The following ST18 variants were observed in gnomAD, a reference collection of about 807,000 sequenced individuals.
ST18 encodes the protein ST18 C2H2C-type zinc finger transcription factor, also known as suppression of tumorigenicity 18 protein.
In ST18, 50 loss-of-function variants were observed where a neutral mutation model predicts 110.0. That is an observed-to-expected ratio of 0.45 (90% CI 0.36 to 0.58). The LOEUF (loss-of-function observed/expected upper bound fraction) is 0.58, where lower values mean the gene tolerates loss of function less well. Ranked by LOEUF, ST18 falls within the 20% of genes least tolerant of loss-of-function variation. ST18 has a pLI of 0.00. For missense variants in ST18, 1,306 were observed against 1,280.1 expected (o/e 1.02, Z -0.31); for synonymous variants, 461 against 452.4 (o/e 1.02, Z -0.24).
At chr8:52,215,704 G>A (rs969765915) in intron 6 of ST18, among the ~76,000 whole-genome samples, 10 of 151,502 alleles carry the variant, frequency 6.6e-5, no homozygotes, top group African/African-American at 7.3e-5. Context: ...CAATAAAACC[G>A]GGGTGATTTT....
intron 19 of ST18, among the ~76,000 whole-genome samples, chr8:52,133,591 A>G (rs188202827): frequency 6.6e-6 from 1 of 150,968 alleles, no homozygotes; most frequent in Non-Finnish European, 1.5e-5. Context: ...TTTATTGTAC[A>G]TTCTTTTTTT....
intron 2 of ST18, among the ~76,000 whole-genome samples, chr8:52,306,838 C>T (rs2095821275): frequency 1.3e-5 from 2 of 152,114 alleles, no homozygotes; most frequent in South Asian, 4.2e-4. Context: ...ATGGGAAAGT[C>T]CCATTAAATG....
At chr8:52,225,565 G>A (rs911692555) in intron 3 of ST18, among the ~76,000 whole-genome samples, 2 of 152,190 alleles carry the variant, frequency 1.3e-5, no homozygotes, top group East Asian at 3.9e-4. Flanking sequence ...AAAGAAGGCT[G>A]CTAGCATTCA....
intron 2 of ST18, among the ~76,000 whole-genome samples, chr8:52,308,997 A>T (rs1391552888): frequency 6.6e-6 from 1 of 152,258 alleles, no homozygotes; most frequent in African/African-American, 2.4e-5. Flanking sequence ...ACTGTGTATC[A>T]GTCACTGCAG....
intron 3 of ST18, among the ~76,000 whole-genome samples, chr8:52,223,754 A>G (rs2136496686): frequency 6.6e-6 from 1 of 152,296 alleles, no homozygotes; most frequent in Non-Finnish European, 1.5e-5. Flanking sequence ...TAAGTTTAAC[A>G]TGAAATGGAT....
At chr8:52,359,875 C>T (rs2140429515) in intron 2 of ST18, among the ~76,000 whole-genome samples, 1 of 152,242 alleles carries the variant, frequency 6.6e-6, no homozygotes, top group Admixed American at 6.5e-5. Context: ...TAAAAGTACA[C>T]AGTGAATAGT....
At chr8:52,379,223 G>A (rs1020791820) in intron 2 of ST18, among the ~76,000 whole-genome samples, 2 of 150,840 alleles carry the variant, frequency 1.3e-5, no homozygotes, top group Non-Finnish European at 1.5e-5. Context: ...TCAGCCCCCC[G>A]AGTAGCTGGG....
At chr8:52,175,837 C>T (rs1272867770) in intron 9 of ST18, among the ~76,000 whole-genome samples, 3 of 152,162 alleles carry the variant, frequency 2.0e-5, no homozygotes, top group Non-Finnish European at 4.4e-5. Context: ...ACTCCATGCT[C>T]TGCCCTCTGA....
intron 8 of ST18, among the ~76,000 whole-genome samples, chr8:52,196,954 A>T (rs938285980): frequency 1.3e-5 from 2 of 152,250 alleles, no homozygotes; most frequent in African/African-American, 2.4e-5. Flanking sequence ...CAAGAAAAGG[A>T]GAAACAGTTA....
chr8:52,285,021 C>T lies in ST18; in HGVS notation c.-464-54944G>A, dbSNP rs113240850. Among the ~76,000 whole-genome samples the T allele has an allele frequency of 6.2e-4, 95 of 152,214 alleles. No homozygotes were observed. The East Asian group carries it at 0.011, about 18-fold the overall frequency. On this transcript the variant is annotated intron_variant, in intron 2 of 25. Transcript: ENST00000689386. ...ATAAGGAAGGACATTCCTAACTATA[C>T]GAGCTGTTCAAAATGGAGCATGCTA...
At chr8:52,123,189 G>A (rs1249204865) in intron 23 of ST18, among the ~76,000 whole-genome samples, 1 of 152,086 alleles carries the variant, frequency 6.6e-6, no homozygotes, top group African/African-American at 2.4e-5. Context: ...CACATTTTTT[G>A]ATATAGACCT....
intron 2 of ST18, among the ~76,000 whole-genome samples, chr8:52,305,941 T>G (rs996839025): frequency 3.3e-5 from 5 of 152,198 alleles, no homozygotes; most frequent in Non-Finnish European, 5.9e-5. Context: ...TGCAAATCCT[T>G]CAGGGCCTCC....
rs904050846 is a variant in ST18, at chr8:52,220,826, A to G, written c.-242T>C. On this transcript the variant is annotated 5_prime_UTR_variant, in exon 5 of 26. The change abolishes the stop of an existing upstream ORF in the 5' untranslated region. Coordinates refer to ENST00000689386, the MANE Select transcript of ST18 (RefSeq NM_001352837.2). ...CTAAATAAATGACTTTGTCTTATTTAGTGATAAATCCTGAAATTCATTCTA... is the reference window on the plus strand; with the variant it reads ...CTAAATAAATGACTTTGTCTTATTTGGTGATAAATCCTGAAATTCATTCTA... The G allele has an allele frequency of 6.6e-6, 1 of 152,204 alleles. No homozygotes were observed. Among genetic ancestry groups the G allele is most frequent in the Non-Finnish European group, 1.5e-5 (1 of 68,040 alleles). 9.4% of individuals were successfully genotyped at this position (152,204 alleles called of 1,614,324 possible).
chr8:52,211,178 C>A (rs1166510162), intron 8 of ST18, among the ~76,000 whole-genome samples: 1 of 151,968 alleles, frequency 6.6e-6, no homozygotes, highest in Admixed American at 6.6e-5. Context: ...TTTAACTATA[C>A]CCTGACAAAG....
intron 6 of ST18, among the ~76,000 whole-genome samples, chr8:52,214,693 T>C (rs899467664): frequency 3.9e-5 from 6 of 152,126 alleles, no homozygotes; most frequent in Non-Finnish European, 7.4e-5. Flanking sequence ...TGGAAAAAAA[T>C]GATTCCTCGT....
intron 8 of ST18, among the ~76,000 whole-genome samples, chr8:52,184,643 T>C (rs1011593162): frequency 1.3e-5 from 2 of 152,188 alleles, no homozygotes; most frequent in Non-Finnish European, 2.9e-5. Flanking sequence ...ATTAGGAAAC[T>C]GTGAATCCTC....
At chr8:52,158,162 A>G (rs6989606) in intron 15 of ST18, among the ~76,000 whole-genome samples, 2,928 of 152,280 alleles carry the variant, frequency 0.019, 84 homozygotes, top group African/African-American at 0.058. Context: ...AAGGGCATGA[A>G]GGATCTTTGT....
At chr8:52,321,196 G>C (rs967275028) in intron 2 of ST18, among the ~76,000 whole-genome samples, 16 of 152,194 alleles carry the variant, frequency 1.1e-4, no homozygotes, top group African/African-American at 3.9e-4. Context: ...TCCAATCTCA[G>C]GGTGAGGCTA....
intron 9 of ST18, among the ~76,000 whole-genome samples, chr8:52,176,999 A>G (rs2067194045): frequency 6.6e-6 from 1 of 152,222 alleles, no homozygotes; most frequent in South Asian, 2.1e-4. Flanking sequence ...TAGTTGAAAG[A>G]TAATGTGTTA....
Sources: gnomAD v4.1 joint callset for allele counts (sites outside exome capture counted in the v4.1 genomes callset) on GRCh38, gnomAD v4.1.1 for gene constraint, MANE v1.5 for transcripts, NCBI Gene and HGNC (gene_info 2026-07-23, HGNC 2026-07-21) for gene names.